The following MTA3 variants were observed in gnomAD, a reference collection of about 807,000 sequenced individuals.
The protein encoded by MTA3 is metastasis-associated protein MTA3.
MTA3 carries 34 observed loss-of-function variants against 83.5 expected under a neutral mutation model. That is an observed-to-expected ratio of 0.41 (90% CI 0.31 to 0.54). The LOEUF is 0.54. Among genes scored for constraint, MTA3 ranks in the 20% least tolerant of loss-of-function variants. MTA3 has a pLI of 0.33. For missense variants in MTA3, 761 were observed against 726.4 expected (o/e 1.05, Z -0.55); for synonymous variants, 303 against 252.7 (o/e 1.20, Z -1.89).
At chr2:42,741,549 A>G (rs1037444183) in intron 16 of MTA3, among the ~76,000 whole-genome samples, 7 of 152,172 alleles carry the variant, frequency 4.6e-5, no homozygotes, top group Non-Finnish European at 1.0e-4. Flanking sequence ...AGCCATTGTA[A>G]GGTTATTAAT....
At chr2:42,720,951 CAAAAAA>C (rs377702701) in intron 15 of MTA3, among the ~76,000 whole-genome samples, 3 of 69,590 alleles carry the variant, frequency 4.3e-5, no homozygotes, top group Admixed American at 3.5e-4. Context: ...GACCCTGTCT[CAAAAAA>C]AAAAAAAAAA....
chr2:42,721,980 A>T (rs1038531338), intron 15 of MTA3, among the ~76,000 whole-genome samples: 1 of 152,218 alleles, frequency 6.6e-6, no homozygotes, highest in African/African-American at 2.4e-5. Context: ...AGCTGTAGTA[A>T]TTCTAACAAT....
At chr2:42,647,807 A>C (rs1479942123) in intron 6 of MTA3, among the ~76,000 whole-genome samples, 2 of 152,192 alleles carry the variant, frequency 1.3e-5, no homozygotes, top group Non-Finnish European at 2.9e-5. Flanking sequence ...TTTCACTTGT[A>C]ATCAGGCAAC....
intron 4 of MTA3, among the ~76,000 whole-genome samples, chr2:42,610,280 T>C (rs1308212727): frequency 6.6e-6 from 1 of 152,222 alleles, no homozygotes; most frequent in Non-Finnish European, 1.5e-5. Flanking sequence ...ACCTAAAATC[T>C]GCTTCCCAGG....
chr2:42,643,121 TC>T (rs1276900880), intron 5 of MTA3, among the ~76,000 whole-genome samples: 2 of 150,412 alleles, frequency 1.3e-5, no homozygotes, highest in Non-Finnish European at 3.0e-5. Context: ...GCACAGAATT[TC>T]TCAGTGGTTG....
intron 6 of MTA3, among the ~76,000 whole-genome samples, chr2:42,654,983 C>T (rs1689031761): frequency 1.3e-5 from 2 of 152,180 alleles, no homozygotes; most frequent in Admixed American, 1.3e-4. Flanking sequence ...ACTCTACATC[C>T]AGTCTGTCAC....
At position 42,544,089 on chromosome 2, in the gene MTA3, A is replaced by G. The variant is rs575526841; in HGVS notation, c.-140-26348A>G. ...GCAGTTTAGTTCGCCTGCAAGGACA[A>G]ACTCCTATGACAGCAGAATGTCCAG... is the stretch of plus-strand genomic sequence containing the variant. On this transcript the variant is annotated intron_variant, in intron 2 of 17. Transcript: ENST00000405592. Among the ~76,000 whole-genome samples, 6 of 152,246 alleles carry G rather than the reference A, an allele frequency of 3.9e-5. No individual in the cohort carries two copies. In the East Asian group the frequency reaches 1.2e-3, roughly 29 times the overall value.
At chr2:42,576,600 C>G (rs2103857643) in intron 2 of MTA3, among the ~76,000 whole-genome samples, 1 of 151,036 alleles carries the variant, frequency 6.6e-6, no homozygotes, top group South Asian at 2.1e-4. Flanking sequence ...CCCCCCATCT[C>G]TGAAAAAAAC....
chr2:42,653,863 G>A (rs141524393), intron 6 of MTA3, among the ~76,000 whole-genome samples: 15 of 152,276 alleles, frequency 9.9e-5, no homozygotes, highest in African/African-American at 3.6e-4. Context: ...ATCATTTCTT[G>A]TGTGTTATTT....
intron 4 of MTA3, among the ~76,000 whole-genome samples, chr2:42,631,553 G>T (rs1312949917): frequency 6.6e-6 from 1 of 151,650 alleles, no homozygotes; most frequent in African/African-American, 2.4e-5. Context: ...ATATTCATGT[G>T]GTACAAGATA....
At position 42,753,745 on chromosome 2, in the gene MTA3, G is replaced by A; in HGVS notation, c.*346G>A. The A allele has an allele frequency of 8.6e-7, 1 of 1,158,332 alleles. No individual in the cohort carries two copies. The highest frequency in any genetic ancestry group is 1.1e-6 in the Non-Finnish European group (1 of 932,976). The allele number at this position is 1,158,332 out of a possible 1,614,324, so 71.8% of individuals were successfully genotyped here. ...ACAGCGGCCACTTGGCAGTGGGGCT[G>A]CTGCAAGCTCAGAGCCGCTGCCACC... On this transcript the variant is annotated 3_prime_UTR_variant, in exon 17 of 17. Coordinates refer to ENST00000405094, the MANE Select transcript of MTA3 (RefSeq NM_001330442.2).
At chr2:42,599,566 G>T (rs1016457576) in intron 3 of MTA3, among the ~76,000 whole-genome samples, 4 of 151,938 alleles carry the variant, frequency 2.6e-5, no homozygotes, top group African/African-American at 9.7e-5. Flanking sequence ...CTCCAGCCCG[G>T]GCGACAGTGT....
chr2:42,646,352 T>A (rs1688185121), intron 6 of MTA3, among the ~76,000 whole-genome samples: 1 of 152,210 alleles, frequency 6.6e-6, no homozygotes, highest in Non-Finnish European at 1.5e-5. Context: ...CACATTTTAT[T>A]ATTAAGAAAT....
chr2:42,752,387 A>T (rs755127015), intron 16 of MTA3: 1 of 410,148 alleles, frequency 2.4e-6, no homozygotes, highest in Non-Finnish European at 5.0e-6. Context: ...ATCCCTTCTC[A>T]GCAAACAACC....
intron 2 of MTA3, among the ~76,000 whole-genome samples, chr2:42,544,537 CT>C (rs369149084): frequency 0.019 from 2,659 of 141,244 alleles, 30 homozygotes; most frequent in African/African-American, 0.041. Context: ...CCAAAAATAA[CT>C]TTTTTTTTTT....
intron 8 of MTA3, among the ~76,000 whole-genome samples, chr2:42,672,628 G>C (rs1473985466): frequency 9.7e-6 from 1 of 103,468 alleles, no homozygotes; most frequent in Admixed American, 1.6e-4. Context: ...CCGGGTCACA[G>C]AGCAAGATTC....
intron 2 of MTA3, among the ~76,000 whole-genome samples, chr2:42,530,237 C>G (rs1675896930): frequency 1.3e-5 from 2 of 151,120 alleles, no homozygotes; most frequent in Admixed American, 6.6e-5. Flanking sequence ...TGCCTGTAAT[C>G]CCAGCACTTT....
intron 5 of MTA3, among the ~76,000 whole-genome samples, chr2:42,642,060 A>C (rs1687746099): frequency 1.3e-5 from 2 of 152,166 alleles, no homozygotes; most frequent in Admixed American, 6.5e-5. Flanking sequence ...GATTGGCATA[A>C]AGACGGTAAC....
chr2:42,633,627 C>T (rs1277445934), intron 4 of MTA3, among the ~76,000 whole-genome samples: 1 of 151,336 alleles, frequency 6.6e-6, no homozygotes, highest in Non-Finnish European at 1.5e-5. Context: ...CGCGGTGGCT[C>T]ATGCCTGTAA....
Sources: allele counts gnomAD v4.1 joint callset (sites outside exome capture counted in the v4.1 genomes callset), GRCh38; gene constraint gnomAD v4.1.1; transcripts MANE v1.5; gene names NCBI Gene and HGNC (gene_info 2026-07-23, HGNC 2026-07-21).